Variants in DOCK3 observed in about 807,000 individuals in gnomAD.
DOCK3 encodes dedicator of cytokinesis 3, also known as dedicator of cytokinesis protein 3.
A neutral mutation model predicts 265.6 loss-of-function variants in DOCK3; 60 were observed. That is an observed-to-expected ratio of 0.23 (90% CI 0.18 to 0.28). The LOEUF (loss-of-function observed/expected upper bound fraction) is 0.28. Ranked by LOEUF, DOCK3 falls within the 10% of genes least tolerant of loss-of-function variation. The pLI, the probability that DOCK3 is intolerant of heterozygous loss-of-function variation, is 1.00. For missense variants in DOCK3, 1,981 were observed against 2,594.3 expected (o/e 0.76, Z 5.14); for synonymous variants, 881 against 938.0 (o/e 0.94, Z 1.11).
intron 9 of DOCK3, among the ~76,000 whole-genome samples, chr3:51,104,945 A>G (rs952591805): frequency 1.3e-5 from 2 of 152,114 alleles, no homozygotes; most frequent in African/African-American, 4.8e-5. Flanking sequence ...ACACCACCGC[A>G]CCTAGCTAAT....
At chr3:51,217,852 T>C (rs1219693938) in intron 14 of DOCK3, among the ~76,000 whole-genome samples, 4 of 152,200 alleles carry the variant, frequency 2.6e-5, no homozygotes, top group Non-Finnish European at 5.9e-5. Flanking sequence ...GCACAGTGGC[T>C]CACACCTGTA....
intron 20 of DOCK3, 65 bp from the exon 21 acceptor site, chr3:51,237,425 T>C: frequency 7.3e-7 from 1 of 1,378,686 alleles, no homozygotes. Context: ...AAGACTCTGT[T>C]TCCTGCTGGG....
At chr3:51,270,512 G>A (rs544275700) in intron 23 of DOCK3, among the ~76,000 whole-genome samples, 1 of 152,304 alleles carries the variant, frequency 6.6e-6, no homozygotes, top group South Asian at 2.1e-4. Context: ...AACAACTGTG[G>A]ATCTTAAGCC....
rs923965732 is a variant in DOCK3 at position 51,375,715 on chromosome 3, T to C, written c.5413-33T>C. 5 of 1,613,260 alleles carry C rather than the reference T, an allele frequency of 3.1e-6. No homozygotes were observed. The African/African-American group carries it at 6.7e-5, about 22-fold the overall frequency. Reference sequence around the variant, plus strand: ...CCTCCCAAGATATAATTGGTTGTTTTCACTCTCTGTAATGTTTATCTCCTT... The same window carrying C: ...CCTCCCAAGATATAATTGGTTGTTTCCACTCTCTGTAATGTTTATCTCCTT... On this transcript the variant is annotated intron_variant, in intron 50 of 52. Coordinates refer to ENST00000266037, the MANE Select transcript of DOCK3 (RefSeq NM_004947.5).
intron 21 of DOCK3, among the ~76,000 whole-genome samples, chr3:51,239,574 G>GTTTTTTTTTTTTTTTTT (rs1560265802): frequency 6.8e-6 from 1 of 146,634 alleles, no homozygotes; most frequent in East Asian, 2.0e-4. Context: ...TTGTTTGTTT[G>GTTTTTTTTTTTTTTTTT]TTTTTTGTTT....
At chr3:50,903,716 T>G (rs1298477104) in intron 4 of DOCK3, among the ~76,000 whole-genome samples, 2 of 152,080 alleles carry the variant, frequency 1.3e-5, no homozygotes, top group Admixed American at 6.6e-5. Flanking sequence ...TTTTAATTGG[T>G]TTGAAGTAGT....
chr3:51,085,367 A>G (rs984565045), intron 7 of DOCK3, among the ~76,000 whole-genome samples: 1 of 152,210 alleles, frequency 6.6e-6, no homozygotes, highest in African/African-American at 2.4e-5. Flanking sequence ...TATAGAGCAC[A>G]TATTTTTCTC....
intron 1 of DOCK3, among the ~76,000 whole-genome samples, chr3:50,737,578 A>G (rs2038722331): frequency 6.6e-6 from 1 of 152,214 alleles, no homozygotes; most frequent in Non-Finnish European, 1.5e-5. Context: ...ATGGTGTCCC[A>G]TAATTCCTTT....
chr3:51,060,155 TAATAA>T lies in DOCK3; in HGVS notation c.316-4282_316-4278del, dbSNP rs1031755204. On this transcript the variant is annotated intron_variant, in intron 5 of 52. Coordinates refer to ENST00000266037, the MANE Select transcript of DOCK3 (RefSeq NM_004947.5). ...TACCCTAAAACTTAAAGTATAATAA[TAATAA>T]AATAAAATAAGACATCTATTGCATA... Among the ~76,000 whole-genome samples the T allele has an allele frequency of 7.7e-5, 11 of 143,532 alleles. 2 individuals are homozygous for T. The highest frequency in any genetic ancestry group is 2.1e-4 in the African/African-American group (8 of 38,316). The allele number at this position is 143,532 out of a possible 152,430, so 94.2% of individuals were successfully genotyped here. A position where few individuals can be genotyped will look rare whatever the true frequency, so the allele number is the denominator to read the frequency against.
At chr3:50,875,857 T>TAA (rs78356817) in intron 3 of DOCK3, among the ~76,000 whole-genome samples, 162 of 143,542 alleles carry the variant, frequency 1.1e-3, no homozygotes, top group South Asian at 4.0e-3. Flanking sequence ...ATTTTTGAAT[T>TAA]AAAAAAAAAA....
intron 1 of DOCK3, among the ~76,000 whole-genome samples, chr3:50,716,387 G>GTGGGT (rs2037112329): frequency 6.6e-6 from 1 of 152,046 alleles, no homozygotes; most frequent in South Asian, 2.1e-4. Context: ...AATCAGCTGG[G>GTGGGT]TGTGGTGGCA....
intron 4 of DOCK3, among the ~76,000 whole-genome samples, chr3:50,928,545 A>G (rs75870675): frequency 0.046 from 7,030 of 152,252 alleles, 583 homozygotes; most frequent in African/African-American, 0.16. Flanking sequence ...TTTTCCATTC[A>G]TCTATTGATG....
intron 1 of DOCK3, among the ~76,000 whole-genome samples, chr3:50,758,354 T>G (rs2040320050): frequency 6.6e-6 from 1 of 152,044 alleles, no homozygotes; most frequent in Admixed American, 6.6e-5. Context: ...TTGAGAAGTG[T>G]GGATCCTTTA....
At chr3:50,719,634 CA>C in intron 1 of DOCK3, 1 of 1,565,862 alleles carries the variant, frequency 6.4e-7, no homozygotes, top group Non-Finnish European at 8.8e-7. Flanking sequence ...CTTGGCAGTG[CA>C]GATGAAAAAC....
Position 51,135,188 on chromosome 3 carries a change from C to A in DOCK3, c.747-11361C>A, listed in dbSNP as rs9854979. ...GTATACCCAAAATTTATATAATCTT[C>A]TTTTATATCTTCTCTGGTTGATATA... On this transcript the variant is annotated intron_variant, in intron 9 of 52. Transcript: ENST00000266037. Among the ~76,000 whole-genome samples the A allele has an allele frequency of 2.7e-3, 417 of 152,288 alleles. 1 individual carries two copies. Among genetic ancestry groups the A allele is most frequent in the African/African-American group, 9.6e-3 (400 of 41,556 alleles).
intron 23 of DOCK3, among the ~76,000 whole-genome samples, chr3:51,266,757 A>G (rs902877311): frequency 6.6e-6 from 1 of 152,242 alleles, no homozygotes; most frequent in Admixed American, 6.5e-5. Flanking sequence ...CATTCAGGAC[A>G]TAGGCATAGG....
chr3:51,352,192 G>A (rs1290141003), intron 40 of DOCK3, among the ~76,000 whole-genome samples: 19 of 152,182 alleles, frequency 1.2e-4, no homozygotes. Context: ...CTTGTAACTT[G>A]CCTTTTTCTC....
At chr3:50,736,696 C>CT (rs200155311) in intron 1 of DOCK3, among the ~76,000 whole-genome samples, 4,234 of 128,308 alleles carry the variant, frequency 0.033, 141 homozygotes, top group African/African-American at 0.085. Flanking sequence ...GCATAAATGT[C>CT]TTTTTTTTTT....
intron 21 of DOCK3, among the ~76,000 whole-genome samples, chr3:51,238,119 CTTTTT>C: frequency 2.1e-5 from 1 of 47,486 alleles, no homozygotes; most frequent in African/African-American, 8.3e-5. Flanking sequence ...ATATTTACCA[CTTTTT>C]TTTTTTTTTT....
Sources: allele counts gnomAD v4.1 joint callset (sites outside exome capture counted in the v4.1 genomes callset), GRCh38; gene constraint gnomAD v4.1.1; transcripts MANE v1.5; gene names NCBI Gene and HGNC (gene_info 2026-07-23, HGNC 2026-07-21).